Variants in TCF4 observed in about 807,000 individuals in gnomAD.
TCF4 encodes the protein SL3-3 enhancer factor 2.
In TCF4, 3 loss-of-function variants were observed where a neutral mutation model predicts 82.1. That is an observed-to-expected ratio of 0.04 (90% CI 0.02 to 0.09). The LOEUF (loss-of-function observed/expected upper bound fraction) is 0.09. Among genes scored for constraint, TCF4 ranks in the 10% least tolerant of loss-of-function variants. TCF4 has a pLI of 1.00. For missense variants in TCF4, 518 were observed against 852.7 expected (o/e 0.61, Z 4.89); for synonymous variants, 276 against 309.6 (o/e 0.89, Z 1.14).
Position 55,388,773 on chromosome 18 carries a change from G to C in TCF4, c.369+14681C>G, listed in dbSNP as rs368083883. Among the ~76,000 whole-genome samples the C allele has an allele frequency of 7.2e-5, 11 of 152,282 alleles. No individual in the cohort carries two copies. The East Asian group carries it at 1.7e-3, about 24-fold the overall frequency. On this transcript the variant is annotated intron_variant, in intron 6 of 19. Transcript: ENST00000354452. ...CCCCAGTCCCATCTCTGCCTTCAGAGTGAAAACAAATCTCTCTAAATCTCA... is the reference window on the plus strand; with the variant it reads ...CCCCAGTCCCATCTCTGCCTTCAGACTGAAAACAAATCTCTCTAAATCTCA...
chr18:55,443,100 G>C (rs773302128), intron 5 of TCF4, among the ~76,000 whole-genome samples: 1 of 152,186 alleles, frequency 6.6e-6, no homozygotes, highest in Non-Finnish European at 1.5e-5. Context: ...AAACAAGTCA[G>C]GTTCATCTAA....
At chr18:55,499,484 AGACTTTTTCAGCTAAACCTAG>A (rs1214641816) in intron 3 of TCF4, among the ~76,000 whole-genome samples, 1 of 152,240 alleles carries the variant, frequency 6.6e-6, no homozygotes, top group Non-Finnish European at 1.5e-5. Flanking sequence ...AAAGAAAACT[AGACTTTTTCAGCTAAACCTAG>A]CTCCATCTGT....
At chr18:55,403,800 C>T in intron 5 of TCF4, 1 of 1,504,820 alleles carries the variant, frequency 6.6e-7, no homozygotes, top group Non-Finnish European at 8.8e-7. Context: ...ATCGTAACTC[C>T]TTATTTTCAC....
chr18:55,243,140 C>T (rs1293418319), intron 15 of TCF4, among the ~76,000 whole-genome samples: 1 of 152,196 alleles, frequency 6.6e-6, no homozygotes, highest in Non-Finnish European at 1.5e-5. Context: ...ACGCTTAACA[C>T]AACTAAATAA....
chr18:55,592,362 G>C (rs2097686463), upstream of TCF4, among the ~76,000 whole-genome samples: 1 of 152,130 alleles, frequency 6.6e-6, no homozygotes, highest in Non-Finnish European at 1.5e-5. Context: ...AAGTTCTGGA[G>C]AGGGCTCTCT....
At chr18:55,228,790 G>A in intron 18 of TCF4, 57 bp downstream of exon 18, 11 of 1,588,504 alleles carry the variant, frequency 6.9e-6, no homozygotes, top group Non-Finnish European at 9.5e-6. Context: ...GCCCATCTCA[G>A]CTTGTGCCTG....
intron 8 of TCF4, among the ~76,000 whole-genome samples, chr18:55,280,713 C>T (rs2062419210): frequency 6.6e-6 from 1 of 151,880 alleles, no homozygotes; most frequent in Non-Finnish European, 1.5e-5. Context: ...TCACAGGTCA[C>T]AGTAAAAGGA....
intron 5 of TCF4, among the ~76,000 whole-genome samples, chr18:55,453,069 C>T (rs1329899489): frequency 2.0e-5 from 3 of 152,192 alleles, no homozygotes; most frequent in Non-Finnish European, 4.4e-5. Flanking sequence ...GTATGAGTCC[C>T]AAACTTGCTT....
intron 6 of TCF4, among the ~76,000 whole-genome samples, chr18:55,396,270 T>C (rs1334338816): frequency 6.6e-6 from 1 of 152,232 alleles, no homozygotes; most frequent in Non-Finnish European, 1.5e-5. Flanking sequence ...TGAGGTCTAC[T>C]TGCTTTACTT....
Position 55,370,469 on chromosome 18 carries a change from A to G in TCF4, c.370-19466T>C, listed in dbSNP as rs1299605669. ...GATAGATAGATAGATAGATAGATAG[A>G]TAGATAGACAGACATATAGACAGAT... On this transcript the variant is annotated intron_variant, in intron 6 of 19. Coordinates refer to ENST00000354452, the MANE Select transcript of TCF4 (RefSeq NM_001083962.2). Among the ~76,000 whole-genome samples, 6 of 152,242 alleles carry G rather than the reference A, an allele frequency of 3.9e-5. No homozygotes were observed. In the East Asian group the frequency reaches 1.2e-3, roughly 29 times the overall value.
chr18:55,529,075 G>T (rs1366184811), intron 3 of TCF4, among the ~76,000 whole-genome samples: 1 of 152,138 alleles, frequency 6.6e-6, no homozygotes, highest in Non-Finnish European at 1.5e-5. Flanking sequence ...CTACTCAGGA[G>T]GTCGAAGCAG....
intron 6 of TCF4, among the ~76,000 whole-genome samples, chr18:55,389,697 G>T (rs1313240599): frequency 6.6e-6 from 1 of 152,128 alleles, no homozygotes; most frequent in Non-Finnish European, 1.5e-5. Context: ...CAGGGGCCAG[G>T]ATACCACCAT....
chr18:55,485,063 A>G (rs1156817214), intron 3 of TCF4, among the ~76,000 whole-genome samples: 1 of 152,162 alleles, frequency 6.6e-6, no homozygotes, highest in Non-Finnish European at 1.5e-5. Context: ...GTTCTTGGAA[A>G]TATCTCCCTA....
chr18:55,248,183 A>T (rs2053891569), intron 15 of TCF4, among the ~76,000 whole-genome samples: 1 of 152,214 alleles, frequency 6.6e-6, no homozygotes, highest in Admixed American at 6.5e-5. Flanking sequence ...CTTTCAGTTG[A>T]GGTTACTAAT....
At chr18:55,397,933 T>C (rs1178713055) in intron 6 of TCF4, among the ~76,000 whole-genome samples, 2 of 152,200 alleles carry the variant, frequency 1.3e-5, no homozygotes, top group Admixed American at 6.5e-5. Context: ...ATAGCAGGTA[T>C]GTGGCATTCA....
chr18:55,448,688 C>T (rs2095568464), intron 5 of TCF4, among the ~76,000 whole-genome samples: 1 of 152,230 alleles, frequency 6.6e-6, no homozygotes, highest in African/African-American at 2.4e-5. Flanking sequence ...TTGCAAGCAA[C>T]ATTACCGTGT....
At chr18:55,603,240 G>A (rs1180505862) in intron 2 of TCF4, among the ~76,000 whole-genome samples, 2 of 152,076 alleles carry the variant, frequency 1.3e-5, no homozygotes, top group Non-Finnish European at 2.9e-5. Context: ...CACCCTCTGT[G>A]CCCCTCAAGT....
intron 1 of TCF4, among the ~76,000 whole-genome samples, chr18:55,632,300 A>T (rs1198649342): frequency 6.6e-6 from 1 of 152,168 alleles, no homozygotes; most frequent in Non-Finnish European, 1.5e-5. Context: ...GGCCTCCCAA[A>T]GTGCTGGGAT....
At chr18:55,547,608 A>G (rs940986212) in intron 3 of TCF4, among the ~76,000 whole-genome samples, 3 of 152,202 alleles carry the variant, frequency 2.0e-5, no homozygotes, top group African/African-American at 7.2e-5. Context: ...ACAGGTGCAC[A>G]CTTTCCTAAT....
Sources: gnomAD v4.1 joint callset for allele counts (sites outside exome capture counted in the v4.1 genomes callset) on GRCh38, gnomAD v4.1.1 for gene constraint, MANE v1.5 for transcripts, NCBI Gene and HGNC (gene_info 2026-07-23, HGNC 2026-07-21) for gene names.